MBP: variants seen among roughly 807,000 people sequenced by gnomAD.
MBP encodes myelin basic protein.
In MBP, 16 loss-of-function variants were observed where a neutral mutation model predicts 35.8. That is an observed-to-expected ratio of 0.45 (90% CI 0.30 to 0.68). The LOEUF is 0.68. MBP is among the 30% of genes least tolerant of loss of function. The pLI is 0.08. For synonymous variants in MBP, 143 were observed against 159.6 expected (o/e 0.90, Z 0.78); for missense variants, 380 against 404.7 (o/e 0.94, Z 0.52).
At chr18:77,029,868 G>A (rs920791023) in intron 3 of MBP, among the ~76,000 whole-genome samples, 13 of 151,886 alleles carry the variant, frequency 8.6e-5, no homozygotes, top group African/African-American at 1.2e-4. Flanking sequence ...AATTTAGCCC[G>A]GAAACTAATA....
intron 4 of MBP, among the ~76,000 whole-genome samples, chr18:76,997,185 A>G (rs906163171): frequency 6.6e-6 from 1 of 152,254 alleles, no homozygotes; most frequent in African/African-American, 2.4e-5. Context: ...TTCAGAGGAA[A>G]AAAGAAAAAC....
intron 1 of MBP, chr18:77,114,013 A>G (rs1976565414): frequency 6.6e-6 from 1 of 152,130 alleles, no homozygotes; most frequent in African/African-American, 2.4e-5. Context: ...AGTACTTGCA[A>G]ACAAAGAGTT....
At chr18:77,078,864 G>GTGGAGC (rs1974769413) in intron 2 of MBP, among the ~76,000 whole-genome samples, 1 of 152,246 alleles carries the variant, frequency 6.6e-6, no homozygotes, top group Non-Finnish European at 1.5e-5. Flanking sequence ...CTGTGACCCA[G>GTGGAGC]TGGAGCTGGG....
intron 3 of MBP, among the ~76,000 whole-genome samples, chr18:77,018,976 C>CTATCCATT (rs1308677418): frequency 3.3e-4 from 48 of 144,802 alleles, no homozygotes; most frequent in African/African-American, 1.3e-3. Flanking sequence ...ATCCATCCAT[C>CTATCCATT]CATCCATCCA....
At chr18:77,048,712 CCTTGGCCTCCCAA>C (rs1243109203) in intron 3 of MBP, among the ~76,000 whole-genome samples, 5 of 152,156 alleles carry the variant, frequency 3.3e-5, no homozygotes, top group Non-Finnish European at 5.9e-5. Context: ...GATCCTCCCA[CCTTGGCCTCCCAA>C]AGTGTTGGGA....
intron 2 of MBP, among the ~76,000 whole-genome samples, chr18:77,076,078 C>T (rs1455549109): frequency 2.0e-5 from 3 of 152,198 alleles, no homozygotes; most frequent in Non-Finnish European, 4.4e-5. Context: ...ATGGCAGTGA[C>T]GGTTTATGCT....
intron 3 of MBP, among the ~76,000 whole-genome samples, chr18:77,029,254 T>A (rs958110425): frequency 1.4e-5 from 2 of 147,970 alleles, no homozygotes; most frequent in African/African-American, 2.5e-5. Flanking sequence ...ACCAAAAAAA[T>A]ACGAAAACCA....
chr18:76,991,372 C>T (rs1969904164), intron 4 of MBP, among the ~76,000 whole-genome samples: 2 of 152,284 alleles, frequency 1.3e-5, no homozygotes, highest in South Asian at 4.1e-4. Flanking sequence ...AAGGGAAAAG[C>T]CATGAGCGCC....
chr18:77,085,683 GTTTTTTT>G (rs10645727), intron 2 of MBP, among the ~76,000 whole-genome samples: 1 of 124,248 alleles, frequency 8.0e-6, no homozygotes, highest in African/African-American at 3.0e-5. Context: ...AGTGCAATAA[GTTTTTTT>G]TTTTTTTTTT....
intron 2 of MBP, among the ~76,000 whole-genome samples, chr18:77,082,598 C>G (rs751361): frequency 0.035 from 5,389 of 152,090 alleles, 125 homozygotes; most frequent in Middle Eastern, 0.058. Context: ...CACCAGTGCG[C>G]ACCCAATAGC....
intron 1 of MBP, among the ~76,000 whole-genome samples, chr18:77,118,232 ATGGGGTCAG>A (rs1418410092): frequency 1.2e-5 from 1 of 86,194 alleles, no homozygotes; most frequent in African/African-American, 4.6e-5. Flanking sequence ...TTGGGGTGGG[ATGGGGTCAG>A]TGGGTTCGGG....
At chr18:77,042,522 G>A (rs115161568) in intron 3 of MBP, among the ~76,000 whole-genome samples, 210 of 152,244 alleles carry the variant, frequency 1.4e-3, no homozygotes, top group African/African-American at 4.9e-3. Flanking sequence ...CCATTAATAC[G>A]TATTCTGTAT....
intron 1 of MBP, among the ~76,000 whole-genome samples, chr18:77,128,146 T>C (rs528147730): frequency 3.3e-5 from 5 of 152,340 alleles, no homozygotes; most frequent in Admixed American, 6.5e-5. Context: ...GTGCCCTTCC[T>C]GGGTGAACGG....
At chr18:77,056,879 G>A (rs954414667) in intron 3 of MBP, among the ~76,000 whole-genome samples, 17 of 152,120 alleles carry the variant, frequency 1.1e-4, no homozygotes, top group African/African-American at 3.9e-4. Context: ...CCTAGAAGCC[G>A]AGACCTTTGT....
rs1212581401 is a variant in MBP, at chr18:77,083,099, G to GA, written c.52-16715dup. On this transcript the variant is annotated intron_variant, in intron 2 of 8. Coordinates refer to ENST00000355994, the MANE Select transcript of MBP (RefSeq NM_001025101.2). Reference sequence around the variant, plus strand: ...AACGATTCTCATGCCTCAGCCCCCCGAGTAGCTGGGACCACCATGCCCTGC... The same window carrying GA: ...AACGATTCTCATGCCTCAGCCCCCCGAAGTAGCTGGGACCACCATGCCCTGC... 1.8e-4 allele frequency among the ~76,000 whole-genome samples: 28 copies of GA among 151,896 alleles called. 1 individual carries two copies. The Middle Eastern group carries it at 0.01, about 56-fold the overall frequency.
At chr18:76,987,933 T>G (rs1969650664) in intron 7 of MBP, 1 of 1,121,796 alleles carries the variant, frequency 8.9e-7, no homozygotes, top group African/African-American at 1.6e-5. Context: ...CTAAGGAAGA[T>G]TTTCTGGATG....
intron 3 of MBP, among the ~76,000 whole-genome samples, chr18:77,049,194 C>G (rs558993520): frequency 1.3e-4 from 19 of 150,244 alleles, no homozygotes; most frequent in Middle Eastern, 3.8e-3. Flanking sequence ...GCTGGGATTA[C>G]AGGTGTGAGC....
At chr18:77,014,892 T>A in intron 4 of MBP, 2 of 983,764 alleles carry the variant, frequency 2.0e-6, no homozygotes, top group Non-Finnish European at 2.4e-6. Flanking sequence ...AAAGAATGGA[T>A]ACTTCAAAAT....
chr18:76,980,670 G>A, intron 8 of MBP, 199 bp from the exon 9 acceptor site: 1 of 580,018 alleles, frequency 1.7e-6, no homozygotes, highest in Non-Finnish European at 3.1e-6. Flanking sequence ...TGAATTTCCA[G>A]TTCTGTGAGA....
Sources: gnomAD v4.1 joint callset for allele counts (sites outside exome capture counted in the v4.1 genomes callset) on GRCh38, gnomAD v4.1.1 for gene constraint, MANE v1.5 for transcripts, NCBI Gene and HGNC (gene_info 2026-07-23, HGNC 2026-07-21) for gene names.